The following NEGR1 variants were observed in gnomAD, a reference collection of about 807,000 sequenced individuals.
NEGR1 encodes the protein IgLON family member 4.
A neutral mutation model predicts 40.9 loss-of-function variants in NEGR1; 10 were observed. The ratio of observed to expected loss-of-function variants is 0.24; its 90% CI spans 0.15 to 0.42. The LOEUF (loss-of-function observed/expected upper bound fraction) is 0.42. Among genes scored for constraint, NEGR1 ranks in the 10% least tolerant of loss-of-function variants. NEGR1 has a pLI of 1.00. For missense variants in NEGR1, 352 were observed against 438.9 expected, an observed-to-expected ratio of 0.80 and a Z score of 1.77; for synonymous variants, 185 against 166.8, an observed-to-expected ratio of 1.11 and a Z score of -0.84.
chr1:71,991,916 C>T (rs997312385), intron 1 of NEGR1, among the ~76,000 whole-genome samples: 15 of 152,178 alleles, frequency 9.9e-5, no homozygotes, highest in African/African-American at 3.4e-4. Context: ...CTCAGCCTCC[C>T]GAATAGCTGG....
At chr1:71,873,118 C>CAA (rs34592789) in intron 2 of NEGR1, among the ~76,000 whole-genome samples, 4,337 of 81,540 alleles carry the variant, frequency 0.053, 229 homozygotes, top group Middle Eastern at 0.12. Context: ...AAAGATGTAG[C>CAA]AAAAAAAAAA....
intron 1 of NEGR1, among the ~76,000 whole-genome samples, chr1:72,241,027 G>A (rs1437935666): frequency 6.6e-6 from 1 of 151,810 alleles, no homozygotes; most frequent in East Asian, 1.9e-4. Context: ...AGGATGCTCA[G>A]TTCTTTAGAG....
chr1:72,046,751 T>C (rs1283531061), intron 1 of NEGR1, among the ~76,000 whole-genome samples: 1 of 151,634 alleles, frequency 6.6e-6, no homozygotes, highest in Non-Finnish European at 1.5e-5. Flanking sequence ...AGAATAAAAA[T>C]AGCTCAAATA....
intron 6 of NEGR1, among the ~76,000 whole-genome samples, chr1:71,559,019 G>GTGTGTGTGTGTGTATATA (rs377263417): frequency 8.8e-6 from 1 of 114,050 alleles, no homozygotes; most frequent in African/African-American, 3.0e-5. Flanking sequence ...CTGTGTGTGT[G>GTGTGTGTGTGTGTATATA]TATATATATA....
intron 6 of NEGR1, among the ~76,000 whole-genome samples, chr1:71,544,109 T>A (rs1647808435): frequency 6.6e-6 from 1 of 151,724 alleles, no homozygotes; most frequent in South Asian, 2.1e-4. Context: ...TTCTCCAACC[T>A]GTAGGCTTTC....
chr1:72,094,399 G>A (rs371783380), intron 1 of NEGR1, among the ~76,000 whole-genome samples: 57 of 152,254 alleles, frequency 3.7e-4, no homozygotes, highest in African/African-American at 1.3e-3. Context: ...GGCCCTGAAC[G>A]AGGTCAGTAA....
At chr1:71,742,568 T>C (rs1366305036) in intron 3 of NEGR1, among the ~76,000 whole-genome samples, 2 of 152,166 alleles carry the variant, frequency 1.3e-5, no homozygotes. Context: ...ACCCCTTTCT[T>C]TCCCATTTCT....
intron 1 of NEGR1, among the ~76,000 whole-genome samples, chr1:72,029,798 G>C: frequency 6.6e-6 from 1 of 152,054 alleles, no homozygotes; most frequent in Non-Finnish European, 1.5e-5. Context: ...TGTATAATCT[G>C]ATTAAGGGAA....
intron 6 of NEGR1, chr1:71,463,504 G>A (rs1328001741): frequency 6.6e-6 from 1 of 152,168 alleles, no homozygotes; most frequent in Non-Finnish European, 1.5e-5. Flanking sequence ...AGATAAATGT[G>A]TAGAGGTTCC....
chr1:71,970,749 T>C (rs1646249634), intron 1 of NEGR1, among the ~76,000 whole-genome samples: 1 of 152,134 alleles, frequency 6.6e-6, no homozygotes, highest in Non-Finnish European at 1.5e-5. Context: ...CCTTGGGCAT[T>C]CTTATATGTA....
chr1:71,919,921 C>G (rs555217296), intron 2 of NEGR1, among the ~76,000 whole-genome samples: 2 of 152,300 alleles, frequency 1.3e-5, no homozygotes, highest in African/African-American at 4.8e-5. Context: ...ACACTCATAA[C>G]TGCTGCTTCC....
At chr1:71,920,141 G>A (rs1187236043) in intron 2 of NEGR1, among the ~76,000 whole-genome samples, 2 of 152,126 alleles carry the variant, frequency 1.3e-5, no homozygotes, top group East Asian at 3.9e-4. Context: ...CTCCAGCTCC[G>A]AGGAGCTGTA....
At chr1:71,850,903 G>A (rs1250015654) in intron 2 of NEGR1, among the ~76,000 whole-genome samples, 1 of 152,090 alleles carries the variant, frequency 6.6e-6, no homozygotes, top group East Asian at 1.9e-4. Flanking sequence ...AGACTTTTTT[G>A]TGTGCTAGGA....
rs1306652526 is a variant in NEGR1 at position 71,841,649 on chromosome 1, A to T, written c.410-65352T>A. 2.0e-5 allele frequency among the ~76,000 whole-genome samples: 3 copies of T among 152,180 alleles called. No homozygotes were observed. The East Asian group carries it at 5.8e-4, about 29-fold the overall frequency. On this transcript the variant is annotated intron_variant, in intron 2 of 6. Coordinates refer to ENST00000357731, the MANE Select transcript of NEGR1 (RefSeq NM_173808.3). ...GATTAGGTAGCCTCTCAAACCTTCC[A>T]GTTCCTCATCTTCAGAATAAAAAGA...
chr1:71,928,291 T>C (rs1292188372), intron 2 of NEGR1, among the ~76,000 whole-genome samples: 3 of 66,076 alleles, frequency 4.5e-5, no homozygotes, highest in African/African-American at 1.5e-4. Flanking sequence ...CACACATATG[T>C]ATATATGTAT....
At chr1:72,272,380 T>C (rs113791253) in intron 1 of NEGR1, among the ~76,000 whole-genome samples, 83 of 152,010 alleles carry the variant, frequency 5.5e-4, no homozygotes, top group African/African-American at 2.0e-3. Context: ...ACCAAATATA[T>C]TAATTTGAAA....
At chr1:72,029,745 A>G (rs1646841468) in intron 1 of NEGR1, among the ~76,000 whole-genome samples, 1 of 152,224 alleles carries the variant, frequency 6.6e-6, no homozygotes, top group Non-Finnish European at 1.5e-5. Flanking sequence ...AGGGTAAATT[A>G]TATTTCAAGA....
intron 1 of NEGR1, among the ~76,000 whole-genome samples, chr1:72,224,343 TATTTGAG>T (rs1367829110): frequency 6.6e-6 from 1 of 151,892 alleles, no homozygotes; most frequent in Non-Finnish European, 1.5e-5. Flanking sequence ...ATGACCATAT[TATTTGAG>T]ATGTGATGAG....
At chr1:71,806,370 G>C (rs1230410175) in intron 2 of NEGR1, among the ~76,000 whole-genome samples, 1 of 151,988 alleles carries the variant, frequency 6.6e-6, no homozygotes, top group Non-Finnish European at 1.5e-5. Context: ...AATGGTTAAA[G>C]TGTAAAGCCC....
Sources: gnomAD v4.1 joint callset for allele counts (sites outside exome capture counted in the v4.1 genomes callset) on GRCh38, gnomAD v4.1.1 for gene constraint, MANE v1.5 for transcripts, NCBI Gene and HGNC (gene_info 2026-07-23, HGNC 2026-07-21) for gene names.